XKR9: variants seen among roughly 807,000 people sequenced by gnomAD.
XKR9 encodes XK-related protein 9.
XKR9 carries 32 observed loss-of-function variants against 32.0 expected under a neutral mutation model. The observed-to-expected ratio is 1.00, with a 90% confidence interval of 0.76 to 1.34. The LOEUF (loss-of-function observed/expected upper bound fraction) is 1.34, where lower values mean the gene tolerates loss of function less well. Ranked by LOEUF, XKR9 falls within the 40% of genes most tolerant of loss-of-function variation. The pLI, the probability that XKR9 is intolerant of heterozygous loss-of-function variation, is 0.00. For missense variants in XKR9, 546 were observed against 429.7 expected, an observed-to-expected ratio of 1.27 and a Z score of -2.39; for synonymous variants, 168 against 143.4, an observed-to-expected ratio of 1.17 and a Z score of -1.22.
At chr8:70,785,733 C>CTA (rs1182179782) in intron 2 of XKR9, among the ~76,000 whole-genome samples, 52 of 112,158 alleles carry the variant, frequency 4.6e-4, no homozygotes, top group African/African-American at 1.1e-3. Flanking sequence ...CTCTCTCTCT[C>CTA]TCTCTCTATA....
At chr8:70,967,080 T>TTTTTTTTTA in the XKR9 span, among the ~76,000 whole-genome samples, 1 of 147,384 alleles carries the variant, frequency 6.8e-6, no homozygotes, top group Non-Finnish European at 1.5e-5. Flanking sequence ...TTTTTTTTTT[T>TTTTTTTTTA]GAGATGGAGT....
At chr8:70,835,735 G>A in the XKR9 span, among the ~76,000 whole-genome samples, 26 of 152,104 alleles carry the variant, frequency 1.7e-4, no homozygotes, top group South Asian at 5.2e-3. Flanking sequence ...GTTCAAATAT[G>A]TAGTAGACTA....
chr8:70,855,257 A>G, the XKR9 span, among the ~76,000 whole-genome samples: 1 of 152,176 alleles, frequency 6.6e-6, no homozygotes, highest in Non-Finnish European at 1.5e-5. Flanking sequence ...GGTTAACTAG[A>G]ATAACCAATG....
At chr8:70,740,559 A>C (rs1329259671), downstream of XKR9, among the ~76,000 whole-genome samples, 1 of 140,440 alleles carries the variant, frequency 7.1e-6, no homozygotes, top group Non-Finnish European at 1.6e-5. Context: ...TAGAGTTTCC[A>C]GTTTTTCTGC....
chr8:70,743,058 T>A (rs964291797), intron 2 of XKR9, among the ~76,000 whole-genome samples: 1 of 152,116 alleles, frequency 6.6e-6, no homozygotes, highest in African/African-American at 2.4e-5. Flanking sequence ...TTAGACCTAT[T>A]GATATTCTCC....
At chr8:70,929,412 C>T in the XKR9 span, among the ~76,000 whole-genome samples, 6 of 152,316 alleles carry the variant, frequency 3.9e-5, no homozygotes, top group South Asian at 1.2e-3. Flanking sequence ...CAGATCACCA[C>T]AGATTTTGCA....
the XKR9 span, among the ~76,000 whole-genome samples, chr8:71,003,916 A>G: frequency 2.0e-5 from 3 of 152,210 alleles, no homozygotes; most frequent in South Asian, 2.1e-4. Context: ...ATGGGAACTC[A>G]GAGAGAGCAT....
At chr8:70,983,536 T>A in the XKR9 span, among the ~76,000 whole-genome samples, 1 of 152,078 alleles carries the variant, frequency 6.6e-6, no homozygotes, top group Non-Finnish European at 1.5e-5. Context: ...ATCCCAGCAC[T>A]TTGGGAGGCT....
chr8:70,869,819 C>A, the XKR9 span, among the ~76,000 whole-genome samples: 1 of 152,158 alleles, frequency 6.6e-6, no homozygotes, highest in Non-Finnish European at 1.5e-5. Context: ...GAGACACCCA[C>A]AACATTTTCT....
chr8:70,856,736 C>T, the XKR9 span, among the ~76,000 whole-genome samples: 1 of 152,270 alleles, frequency 6.6e-6, no homozygotes, highest in South Asian at 2.1e-4. Flanking sequence ...AAGTACTCCT[C>T]AGCAAATGTA....
the XKR9 span, among the ~76,000 whole-genome samples, chr8:71,060,676 C>T: frequency 6.6e-6 from 1 of 152,118 alleles, no homozygotes; most frequent in African/African-American, 2.4e-5. Context: ...TCTCACAACC[C>T]TTCAAATGGC....
At chr8:70,727,959 C>G (rs185721149) in intron 4 of XKR9, among the ~76,000 whole-genome samples, 4 of 152,206 alleles carry the variant, frequency 2.6e-5, no homozygotes, top group Admixed American at 2.6e-4. Context: ...AATCTTGTAG[C>G]TTTCAGCTGC....
the XKR9 span, among the ~76,000 whole-genome samples, chr8:70,837,009 A>G: frequency 6.6e-6 from 1 of 152,192 alleles, no homozygotes; most frequent in East Asian, 1.9e-4. Context: ...ACTTGACCAC[A>G]GTGGTCAAGG....
chr8:70,978,921 GC>G, the XKR9 span, among the ~76,000 whole-genome samples: 45 of 152,172 alleles, frequency 3.0e-4, no homozygotes, highest in African/African-American at 1.1e-3. Context: ...TTTCTTGGAG[GC>G]TTTCTTCGTT....
At chr8:70,866,053 A>T in the XKR9 span, among the ~76,000 whole-genome samples, 1 of 152,254 alleles carries the variant, frequency 6.6e-6, no homozygotes, top group Non-Finnish European at 1.5e-5. Flanking sequence ...TTACTTTAGA[A>T]GGAATGACTG....
At chr8:71,046,831 A>T in the XKR9 span, among the ~76,000 whole-genome samples, 1 of 152,210 alleles carries the variant, frequency 6.6e-6, no homozygotes, top group Non-Finnish European at 1.5e-5. Flanking sequence ...ATGTAACTAC[A>T]TTGTAAATCT....
At chr8:70,938,528 A>G in the XKR9 span, among the ~76,000 whole-genome samples, 1 of 151,992 alleles carries the variant, frequency 6.6e-6, no homozygotes. Context: ...AAAATACTTT[A>G]GTCTAATGCT....
chr8:70,879,760 C>A, the XKR9 span, among the ~76,000 whole-genome samples: 1 of 150,704 alleles, frequency 6.6e-6, no homozygotes, highest in Non-Finnish European at 1.5e-5. Flanking sequence ...AGGGAATCCT[C>A]CCTAACTCAT....
At chr8:70,935,128 C>A in the XKR9 span, among the ~76,000 whole-genome samples, 23 of 144,862 alleles carry the variant, frequency 1.6e-4, no homozygotes, top group Non-Finnish European at 2.9e-4. Flanking sequence ...TATACACACA[C>A]ACACATATAT....
Sources: gnomAD v4.1 joint callset for allele counts (sites outside exome capture counted in the v4.1 genomes callset) on GRCh38, gnomAD v4.1.1 for gene constraint, MANE v1.5 for transcripts, NCBI Gene and HGNC (gene_info 2026-07-23, HGNC 2026-07-21) for gene names.